The following SLC4A4 variants were observed in gnomAD, a reference collection of about 807,000 sequenced individuals.
SLC4A4 encodes solute carrier family 4 member 4, also known as electrogenic sodium bicarbonate cotransporter 1.
Under a neutral mutation model 111.5 loss-of-function variants are expected in SLC4A4, and 27 were observed. The ratio of observed to expected loss-of-function variants is 0.24; its 90% CI spans 0.18 to 0.33. The LOEUF (loss-of-function observed/expected upper bound fraction) is 0.33, where lower values mean the gene tolerates loss of function less well. Ranked by LOEUF, SLC4A4 falls within the 10% of genes least tolerant of loss-of-function variation. The probability of loss-of-function intolerance (pLI) is 1.00; values close to 1 mark genes in which losing one functional copy is unlikely to be tolerated. For synonymous variants in SLC4A4, 443 were observed against 463.4 expected (o/e 0.96, Z 0.57); for missense variants, 909 against 1,315.5 (o/e 0.69, Z 4.78).
chr4:71,473,220 A>G, intron 14 of SLC4A4: 1 of 635,336 alleles, frequency 1.6e-6, no homozygotes, highest in South Asian at 1.8e-5. Context: ...ATTAACTCAA[A>G]CTGTGGGATT....
In SLC4A4 at chr4:71,277,019, G is replaced by A. The variant is rs560310141; in HGVS notation, c.253+21620G>A. On this transcript the variant is annotated intron_variant, in intron 3 of 25. Transcript: ENST00000264485. ...AGATTGTGCCACTGCACTCCAGCCTGGGTAACAGAATGAGACCCTGTCTCA... is the reference window on the plus strand; with the variant it reads ...AGATTGTGCCACTGCACTCCAGCCTAGGTAACAGAATGAGACCCTGTCTCA... Among the ~76,000 whole-genome samples, 3 of 152,232 alleles carry A rather than the reference G, an allele frequency of 2.0e-5. No homozygotes were observed. In the South Asian group the frequency reaches 6.2e-4, roughly 32 times the overall value.
intron 12 of SLC4A4, among the ~76,000 whole-genome samples, chr4:71,461,487 G>A (rs182995609): frequency 2.0e-3 from 310 of 152,152 alleles, no homozygotes; most frequent in African/African-American, 7.1e-3. Context: ...ACCAAATTGC[G>A]ATAAATCCAA....
intron 7 of SLC4A4, 89 bp from the exon 8 acceptor site, chr4:71,440,527 G>A (rs1724620388): frequency 7.1e-6 from 10 of 1,416,598 alleles, no homozygotes; most frequent in Admixed American, 5.0e-5. Flanking sequence ...ACATGGGAAG[G>A]CCCTTTTTGT....
rs951600838 is a variant in SLC4A4, at chr4:71,318,819, A to T, written c.254-20551A>T. Among the ~76,000 whole-genome samples the T allele has an allele frequency of 4.7e-5, 7 of 149,178 alleles. No homozygotes were observed. In the South Asian group the frequency reaches 1.3e-3, roughly 27 times the overall value. Reference sequence around the variant, plus strand: ...TTTAGGTTCTTGTTCTGAAAAATTAAGTTTTTTTTTTTTTTTTTAAGGAAC... The same window carrying T: ...TTTAGGTTCTTGTTCTGAAAAATTATGTTTTTTTTTTTTTTTTTAAGGAAC... On this transcript the variant is annotated intron_variant, in intron 3 of 25. Transcript: ENST00000264485.
intron 25 of SLC4A4, 77 bp from the exon 26 acceptor site, chr4:71,567,711 A>G: frequency 1.5e-6 from 1 of 672,638 alleles, no homozygotes; most frequent in Non-Finnish European, 2.6e-6. Flanking sequence ...TTTGACTTCT[A>G]TACAATGCAT....
At position 71,190,430 on chromosome 4, in the gene SLC4A4, AG is replaced by A. The variant is rs1300650750; in HGVS notation, c.-2+3030del. Among the ~76,000 whole-genome samples, 70 of 131,712 alleles carry A rather than the reference AG, an allele frequency of 5.3e-4. No individual in the cohort carries two copies. In the South Asian group the frequency reaches 8.2e-3, roughly 15 times the overall value. The allele number at this position is 131,712 out of a possible 152,430, so 86.4% of individuals were successfully genotyped here. A position where few individuals can be genotyped will look rare whatever the true frequency, so the allele number is the denominator to read the frequency against. ...CACACACACACACACACACACACACAGACACAACTCATTTGTAGAGGTGGCT... is the reference window on the plus strand; with the variant it reads ...CACACACACACACACACACACACACAACACAACTCATTTGTAGAGGTGGCT... On this transcript the variant is annotated intron_variant, in intron 1 of 25. Coordinates refer to ENST00000264485, the MANE Select transcript of SLC4A4 (RefSeq NM_001098484.3).
intron 1 of SLC4A4, among the ~76,000 whole-genome samples, chr4:71,067,840 T>C (rs1005512304): frequency 6.6e-6 from 1 of 151,998 alleles, no homozygotes; most frequent in Non-Finnish European, 1.5e-5. Flanking sequence ...CCTTGACTCC[T>C]GGGCTCAAGT....
intron 14 of SLC4A4, among the ~76,000 whole-genome samples, chr4:71,484,058 A>G (rs1391806765): frequency 6.6e-6 from 1 of 151,888 alleles, no homozygotes; most frequent in African/African-American, 2.4e-5. Flanking sequence ...AGTTCCTTAT[A>G]GATACTGGAT....
chr4:71,345,696 CA>C (rs1441305157), intron 4 of SLC4A4, among the ~76,000 whole-genome samples: 2 of 151,814 alleles, frequency 1.3e-5, no homozygotes, highest in Admixed American at 1.3e-4. Flanking sequence ...TGGGTTTGGG[CA>C]AAGACTGCTC....
upstream of SLC4A4, among the ~76,000 whole-genome samples, chr4:71,184,713 G>C (rs1418668935): frequency 6.6e-6 from 1 of 152,132 alleles, no homozygotes; most frequent in Admixed American, 6.6e-5. Flanking sequence ...CAAGTTTTAG[G>C]AGAGGTGAAC....
intron 3 of SLC4A4, among the ~76,000 whole-genome samples, chr4:71,265,252 CTG>C (rs1722151309): frequency 6.6e-6 from 1 of 152,060 alleles, no homozygotes; most frequent in Non-Finnish European, 1.5e-5. Flanking sequence ...TCTTTAGTGA[CTG>C]AGTGCGAGTG....
chr4:71,305,690 T>G (rs752895465), intron 3 of SLC4A4, among the ~76,000 whole-genome samples: 7 of 152,350 alleles, frequency 4.6e-5, no homozygotes, highest in Non-Finnish European at 1.0e-4. Flanking sequence ...CATCTGTTCA[T>G]GCATTCATAA....
intron 16 of SLC4A4, among the ~76,000 whole-genome samples, chr4:71,527,225 C>A (rs1035192800): frequency 6.6e-6 from 1 of 152,026 alleles, no homozygotes; most frequent in Non-Finnish European, 1.5e-5. Context: ...AGTGCAGAAG[C>A]AGGAAGACTA....
chr4:71,540,945 A>G (rs1419992517), intron 18 of SLC4A4, among the ~76,000 whole-genome samples: 1 of 152,170 alleles, frequency 6.6e-6, no homozygotes. Flanking sequence ...GCCAGGTCAC[A>G]TGGAACAAAG....
rs999469064 is a variant in SLC4A4 at position 71,252,906 on chromosome 4, C to T, written c.74-2314C>T. 2.0e-5 allele frequency among the ~76,000 whole-genome samples: 3 copies of T among 152,044 alleles called. No homozygotes were observed. In the East Asian group the frequency reaches 5.8e-4, roughly 29 times the overall value. On this transcript the variant is annotated intron_variant, in intron 2 of 25. Transcript: ENST00000264485. ...TGGATTTTATTGTTTATAAATTACA[C>T]CCCAGTAAAGGTGATTTTAAAATGC...
chr4:71,292,362 T>C (rs1274317813), intron 3 of SLC4A4, among the ~76,000 whole-genome samples: 1 of 152,210 alleles, frequency 6.6e-6, no homozygotes, highest in African/African-American at 2.4e-5. Flanking sequence ...ATAGCAAAAC[T>C]GTACTTAGCC....
At chr4:71,065,384 T>G (rs1459288952) in intron 1 of SLC4A4, among the ~76,000 whole-genome samples, 1 of 139,854 alleles carries the variant, frequency 7.2e-6, no homozygotes, top group East Asian at 1.9e-4. Context: ...AATAAGAATA[T>G]ATGTTGTGAA....
At chr4:71,476,149 A>C (rs1010635637) in intron 14 of SLC4A4, among the ~76,000 whole-genome samples, 5 of 151,794 alleles carry the variant, frequency 3.3e-5, no homozygotes, top group African/African-American at 1.2e-4. Flanking sequence ...ACAAAACCCC[A>C]TAAGATTAAT....
At chr4:71,190,698 G>A (rs1396094834) in intron 1 of SLC4A4, among the ~76,000 whole-genome samples, 2 of 152,156 alleles carry the variant, frequency 1.3e-5, no homozygotes, top group East Asian at 3.8e-4. Context: ...CTATTAAATT[G>A]TGCCTGTGAA....
Sources: gnomAD v4.1 joint callset for allele counts (sites outside exome capture counted in the v4.1 genomes callset) on GRCh38, gnomAD v4.1.1 for gene constraint, MANE v1.5 for transcripts, NCBI Gene and HGNC (gene_info 2026-07-23, HGNC 2026-07-21) for gene names.